SPATA24: variants seen among roughly 807,000 people sequenced by gnomAD.
SPATA24 encodes spermatogenesis-associated protein 24.
SPATA24 carries 21 observed loss-of-function variants against 28.9 expected under a neutral mutation model. The observed-to-expected ratio is 0.73, with a 90% CI of 0.52 to 1.05. The LOEUF (loss-of-function observed/expected upper bound fraction) is 1.05, where lower values mean the gene tolerates loss of function less well. SPATA24 is among the 50% of genes least tolerant of loss of function. The probability of loss-of-function intolerance (pLI) is 0.00; values close to 1 mark genes in which losing one functional copy is unlikely to be tolerated. For missense variants in SPATA24, 215 were observed against 242.9 expected, an observed-to-expected ratio of 0.88 and a Z score of 0.76; for synonymous variants, 76 against 89.9, an observed-to-expected ratio of 0.85 and a Z score of 0.88.
downstream of SPATA24, chr5:139,395,046 C>T (rs1758674692): frequency 4.9e-6 from 7 of 1,427,356 alleles, no homozygotes; most frequent in Non-Finnish European, 6.4e-6. Context: ...GCCTCGGGAT[C>T]CCAGGCAGGG....
chr5:139,398,447 A>G (rs1235274590), intron 4 of SPATA24, among the ~76,000 whole-genome samples: 1 of 151,900 alleles, frequency 6.6e-6, no homozygotes, highest in African/African-American at 2.4e-5. Context: ...TGGTGTTGGA[A>G]CATGCCTATA....
chr5:139,394,168 T>C, downstream of SPATA24: 4 of 1,546,278 alleles, frequency 2.6e-6, no homozygotes, highest in Non-Finnish European at 3.5e-6. Context: ...GGGGGCCGAA[T>C]TATCTCGTAC....
intron 2 of SPATA24, 147 bp downstream of exon 2, chr5:139,402,481 G>T: frequency 1.5e-6 from 1 of 664,492 alleles, no homozygotes. Context: ...GACCTCAAGT[G>T]ATTTGCCCGC....
downstream of SPATA24, chr5:139,394,327 T>C (rs1476304174): frequency 6.8e-6 from 10 of 1,465,816 alleles, no homozygotes; most frequent in African/African-American, 1.4e-5. Context: ...CAACGCCGTC[T>C]GCACGAAGCC....
At chr5:139,393,792 G>T, downstream of SPATA24, 1 of 1,551,408 alleles carries the variant, frequency 6.4e-7, no homozygotes, top group Non-Finnish European at 8.7e-7. Context: ...AGGCTTCAGG[G>T]AACAATGGGC....
In SPATA24 at chr5:139,403,973, C is replaced by T; in HGVS notation, c.88G>A (p.Glu30Lys). Residue 30 changes from glutamate (E) to lysine (K), a missense_variant, in exon 1 of 6, where the codon GAG becomes AAG. Glu to Lys is a moderately conservative substitution (Grantham distance 56). Coordinates refer to ENST00000450845, the MANE Select transcript of SPATA24 (RefSeq NM_194296.2). ...DQLRDVIESQ[E>K]ELIHQLRNVM... is the part of the protein sequence containing the mutation. The stretch of plus-strand genomic sequence containing the variant: ...TTCCTCAGCTGGTGGATTAGTTCCT[C>T]CTGAGACTCAATCACGTCCCGCAGT... 1 of 1,551,838 alleles carries T rather than the reference C, an allele frequency of 6.4e-7. No homozygotes were observed. The highest frequency in any genetic ancestry group is 8.7e-7 in the Non-Finnish European group (1 of 1,147,008).
downstream of SPATA24, chr5:139,392,653 G>A (rs1758618165): frequency 1.4e-6 from 2 of 1,389,212 alleles, no homozygotes; most frequent in Non-Finnish European, 1.9e-6. The surrounding 1 kb of genome is among the most constrained non-coding windows in gnomAD (Gnocchi z 5.8). Context: ...CCCAGGGCTC[G>A]GGCTGGCTTG....
chr5:139,395,542 C>G (rs976530087), downstream of SPATA24: 3 of 161,400 alleles, frequency 1.9e-5, no homozygotes, highest in Non-Finnish European at 4.0e-5. Flanking sequence ...TCATCTTCCC[C>G]TCAGCCCCGG....
rs1401325072 is a variant in SPATA24 at position 139,401,979 on chromosome 5, C to G, written c.250G>C (p.Ala84Pro). Residue 84 changes from alanine to proline, a missense_variant, in exon 3 of 6, where the codon GCC (alanine) becomes CCC (proline). Physicochemically the swap from Ala to Pro is conservative, Grantham distance 27. Coordinates refer to ENST00000450845, the MANE Select transcript of SPATA24 (RefSeq NM_194296.2). ...LAKEEEKLQF[A>P]LGEVEVLSKQ... is the part of the protein sequence containing the mutation. ...GATAGCACCTCTACCTCTCCGAGGG[C>G]AAACTGTAACTTCTCCTCTTCCTTG... 6.4e-7 allele frequency: 1 copy of G among 1,551,762 alleles called. No homozygotes were observed. The highest frequency in any genetic ancestry group is 2.0e-5 in the Admixed American group (1 of 50,992).
chr5:139,396,823 G>A lies in SPATA24; in HGVS notation c.595C>T (p.His199Tyr), dbSNP rs1561991400. 3 of 1,551,752 alleles carry A rather than the reference G, an allele frequency of 1.9e-6. No homozygotes were observed. The highest frequency in any genetic ancestry group is 8.7e-7 in the Non-Finnish European group (1 of 1,146,998). The change falls in exon 6 of 6, where the codon CAC (histidine) becomes TAC (tyrosine). Residue 199 changes from histidine (H) to tyrosine (Y), a missense_variant. His to Tyr is a moderately conservative substitution (Grantham distance 83). Transcript: ENST00000450845. The part of the protein sequence containing the change: ...KASGTRQARS[H>Y]QHPREK ...TTTTATTTTTCCCTGGGATGCTGGT[G>A]GCTGCGGGCCTGACGTGTCCCTGAG...
downstream of SPATA24, chr5:139,393,743 T>C (rs1290823020): frequency 1.3e-5 from 20 of 1,551,272 alleles, no homozygotes; most frequent in Non-Finnish European, 1.7e-5. Flanking sequence ...CTGCTGACAG[T>C]TTCCTCGACG....
intron 4 of SPATA24, among the ~76,000 whole-genome samples, chr5:139,400,302 CTTTTTTTTTTT>C (rs55789939): frequency 4.2e-4 from 52 of 125,112 alleles, no homozygotes; most frequent in Non-Finnish European, 6.7e-4. Context: ...TTCATACCTA[CTTTTTTTTTTT>C]TTTTTTTTTT....
downstream of SPATA24, chr5:139,392,663 G>C (rs1426996238): frequency 1.4e-6 from 2 of 1,395,134 alleles, no homozygotes; most frequent in African/African-American, 3.1e-5. The surrounding 1 kb of genome is among the most constrained non-coding windows in gnomAD (Gnocchi z 5.8). Flanking sequence ...GGGCTGGCTT[G>C]CATCTGAGGG....
chr5:139,399,153 T>TAAAAATAC (rs2152078567), intron 4 of SPATA24, among the ~76,000 whole-genome samples: 1 of 151,822 alleles, frequency 6.6e-6, no homozygotes, highest in East Asian at 1.9e-4. Flanking sequence ...TTGTCTCTAC[T>TAAAAATAC]AAAAATACAA....
rs1306495280 is a variant in SPATA24 at position 139,402,617 on chromosome 5, C to T, written c.183+11G>A. ...GGGGAAGATTAGGAGACCGCAGAGGCCATTACTTACCACCAGCTTCTTCTC... is the reference window on the plus strand; with the variant it reads ...GGGGAAGATTAGGAGACCGCAGAGGTCATTACTTACCACCAGCTTCTTCTC... On this transcript the variant is annotated intron_variant, in intron 2 of 5. Transcript: ENST00000450845. 3 of 1,551,128 alleles carry T rather than the reference C, an allele frequency of 1.9e-6. No individual in the cohort carries two copies. The East Asian group carries it at 7.3e-5, about 38-fold the overall frequency.
Position 139,402,951 on chromosome 5 carries a change from A to C in SPATA24, c.118-258T>G, listed in dbSNP as rs977155534. ...ATGTTGTGTGCCTTGATGGGGAGACATAAGGGGATCTGGGGCTCAGAGGAG... is the reference window on the plus strand; with the variant it reads ...ATGTTGTGTGCCTTGATGGGGAGACCTAAGGGGATCTGGGGCTCAGAGGAG... On this transcript the variant is annotated intron_variant, in intron 1 of 5. Transcript: ENST00000450845. Among the ~76,000 whole-genome samples, 40 of 152,234 alleles carry C rather than the reference A, an allele frequency of 2.6e-4. 1 individual carries two copies. The highest frequency in any genetic ancestry group is 2.6e-3 in the Admixed American group (40 of 15,284).
chr5:139,396,294 G>A, downstream of SPATA24: 4 of 985,408 alleles, frequency 4.1e-6, no homozygotes, highest in Non-Finnish European at 4.8e-6. Flanking sequence ...GCAAATTGAG[G>A]TCCCTTCCCA....
chr5:139,395,213 A>G, downstream of SPATA24: 1 of 921,094 alleles, frequency 1.1e-6, no homozygotes, highest in Non-Finnish European at 1.5e-6. Context: ...CTCCTGAGCC[A>G]GCGGCGCCGG....
chr5:139,401,417 C>T lies in SPATA24; in HGVS notation c.385+338G>A. ...ACTAAGGATCAGGTCCCAAATAGGACAGTGCTTGCCCTGTGTTCCTCTTGT... is the reference window on the plus strand; with the variant it reads ...ACTAAGGATCAGGTCCCAAATAGGATAGTGCTTGCCCTGTGTTCCTCTTGT... On this transcript the variant is annotated intron_variant, in intron 4 of 5. Coordinates refer to ENST00000450845, the MANE Select transcript of SPATA24 (RefSeq NM_194296.2). The T allele has an allele frequency of 2.2e-5, 13 of 599,662 alleles. No individual in the cohort carries two copies. In the South Asian group the frequency reaches 2.2e-4, roughly 10 times the overall value. The allele number at this position is 599,662 out of a possible 1,614,324, so 37.1% of individuals were successfully genotyped here.
Sources: allele counts gnomAD v4.1 joint callset (sites outside exome capture counted in the v4.1 genomes callset), GRCh38; gene constraint gnomAD v4.1.1; non-coding constraint Gnocchi (gnomAD v3.1); transcripts MANE v1.5; gene names NCBI Gene and HGNC (gene_info 2026-07-23, HGNC 2026-07-21).